Variants in ASAP2 observed in about 807,000 individuals in gnomAD.
The protein encoded by ASAP2 is ArfGAP with SH3 domain, ankyrin repeat and PH domain 2, also known as arf-GAP with SH3 domain, ANK repeat and PH domain-containing protein 2.
ASAP2 carries 45 observed loss-of-function variants against 131.4 expected under a neutral mutation model. The observed-to-expected ratio is 0.34, with a 90% CI of 0.27 to 0.44. The LOEUF is 0.44. Among genes scored for constraint, ASAP2 ranks in the 20% least tolerant of loss-of-function variants. The pLI, the probability that ASAP2 is intolerant of heterozygous loss-of-function variation, is 1.00. For synonymous variants in ASAP2, 510 were observed against 503.0 expected (o/e 1.01, Z -0.19); for missense variants, 1,011 against 1,297.0 (o/e 0.78, Z 3.39).
chr2:9,270,985 G>A (rs1175354171), intron 1 of ASAP2, among the ~76,000 whole-genome samples: 1 of 151,476 alleles, frequency 6.6e-6, no homozygotes, highest in African/African-American at 2.4e-5. Context: ...AGTAGAGACG[G>A]GGTTTCACCG....
At position 9,376,157 on chromosome 2, in the gene ASAP2, T is replaced by G. The variant is rs1053332133; in HGVS notation, c.1747-751T>G. 3.3e-5 allele frequency among the ~76,000 whole-genome samples: 5 copies of G among 152,188 alleles called. No homozygotes were observed. The South Asian group carries it at 1.0e-3, about 32-fold the overall frequency. ...TGCAGGCTCTGAGCTGGTCCCACTCTCTCCCCATCCCCAGAAAGAACTCAT... is the reference window on the plus strand; with the variant it reads ...TGCAGGCTCTGAGCTGGTCCCACTCGCTCCCCATCCCCAGAAAGAACTCAT... On this transcript the variant is annotated intron_variant, in intron 17 of 27. Transcript: ENST00000281419.
chr2:9,231,256 G>A (rs1663141994), intron 1 of ASAP2, among the ~76,000 whole-genome samples: 1 of 152,158 alleles, frequency 6.6e-6, no homozygotes, highest in African/African-American at 2.4e-5. Context: ...CAGGGAGCAG[G>A]TGACAGTTTC....
intron 18 of ASAP2, 50 bp from the exon 19 acceptor site, chr2:9,378,894 G>C: frequency 3.1e-6 from 4 of 1,308,322 alleles, no homozygotes; most frequent in Non-Finnish European, 4.0e-6. Flanking sequence ...GTCCCTGGTC[G>C]TCCAGCCTGT....
At chr2:9,352,212 A>AACACACACACAC (rs58275721) in intron 12 of ASAP2, among the ~76,000 whole-genome samples, 77 of 150,082 alleles carry the variant, frequency 5.1e-4, no homozygotes, top group African/African-American at 1.7e-3. Flanking sequence ...AACACACACA[A>AACACACACACAC]ACACACACAC....
chr2:9,301,814 C>T (rs897843250), intron 3 of ASAP2, among the ~76,000 whole-genome samples: 2 of 143,100 alleles, frequency 1.4e-5, no homozygotes, highest in African/African-American at 5.3e-5. Flanking sequence ...CGTGTGTATC[C>T]ATCATCTTTT....
At chr2:9,248,542 C>T (rs974877949) in intron 1 of ASAP2, among the ~76,000 whole-genome samples, 5 of 152,050 alleles carry the variant, frequency 3.3e-5, no homozygotes, top group African/African-American at 1.2e-4. Context: ...TGAGAGTCAG[C>T]GTTTTGGGTC....
At chr2:9,369,960 G>T (rs1284439002) in intron 16 of ASAP2, among the ~76,000 whole-genome samples, 2 of 152,120 alleles carry the variant, frequency 1.3e-5, no homozygotes, top group Non-Finnish European at 1.5e-5. Flanking sequence ...TCCTGCCTCA[G>T]CCTCCTGAGT....
intron 9 of ASAP2, chr2:9,336,183 T>C (rs1017909295): frequency 1.3e-5 from 2 of 151,418 alleles, no homozygotes; most frequent in Non-Finnish European, 3.0e-5. Context: ...TTGTAGACTT[T>C]ATTAAAGGCT....
At position 9,388,348 on chromosome 2, in the gene ASAP2, A is replaced by G; in HGVS notation, c.2185A>G (p.Asn729Asp). Reference sequence around the variant, plus strand: ...CATCAGCTTCTACCAGCTGGGCTCCAACCAGCTTCAGTCTAACGCTGTATC... The same window carrying G: ...CATCAGCTTCTACCAGCTGGGCTCCGACCAGCTTCAGTCTAACGCTGTATC... ...RPISFYQLGS[N>D]QLQSNAVSLA... Residue 729 changes from asparagine (N) to aspartate (D), a missense_variant, in exon 22 of 28, where the codon AAC becomes GAC. Asn to Asp is a conservative substitution (Grantham distance 23, BLOSUM62 1). Transcript: ENST00000281419. The G allele has an allele frequency of 6.2e-7, 1 of 1,614,172 alleles. No homozygotes were observed.
At chr2:9,363,771 A>G (rs888941649) in intron 15 of ASAP2, among the ~76,000 whole-genome samples, 1 of 152,172 alleles carries the variant, frequency 6.6e-6, no homozygotes, top group African/African-American at 2.4e-5. Flanking sequence ...ACAGGGTCTC[A>G]CTATATTGGC....
chr2:9,276,828 C>T (rs913644436), intron 1 of ASAP2, among the ~76,000 whole-genome samples: 3 of 152,210 alleles, frequency 2.0e-5, no homozygotes, highest in African/African-American at 7.2e-5. Context: ...GCATGAGCCA[C>T]TGCGCATGGT....
chr2:9,234,810 G>A (rs773613880), intron 1 of ASAP2, among the ~76,000 whole-genome samples: 1 of 152,176 alleles, frequency 6.6e-6, no homozygotes, highest in Non-Finnish European at 1.5e-5. Flanking sequence ...TTCCGGCCTT[G>A]CGAATGCTTC....
chr2:9,268,785 A>C lies in ASAP2; in HGVS notation c.127-10532A>C, dbSNP rs1666126782. On this transcript the variant is annotated intron_variant, in intron 1 of 27. Transcript: ENST00000281419. The surrounding 1 kb of genome is among the most constrained non-coding windows in gnomAD (Gnocchi z 4.1). ...TTCGTCCGTGGAACGAGGGGAGAGG[A>C]GATAGGACGGGAGAGCGGAGCATGC... is the stretch of plus-strand genomic sequence containing the variant. Among the ~76,000 whole-genome samples, 1 of 152,074 alleles carries C rather than the reference A, an allele frequency of 6.6e-6. No homozygotes were observed.
At chr2:9,229,543 G>A (rs552072554) in intron 1 of ASAP2, among the ~76,000 whole-genome samples, 1 of 152,338 alleles carries the variant, frequency 6.6e-6, no homozygotes, top group Non-Finnish European at 1.5e-5. Context: ...CATGTGTCTA[G>A]GGAGGAGCGG....
intron 21 of ASAP2, 59 bp downstream of exon 21, chr2:9,385,417 G>A (rs1675190967): frequency 3.0e-6 from 4 of 1,314,926 alleles, no homozygotes; most frequent in African/African-American, 1.5e-5. Flanking sequence ...GAACAGTGTG[G>A]GTCCTAATCT....
At chr2:9,284,846 G>A (rs989125969) in intron 2 of ASAP2, among the ~76,000 whole-genome samples, 21 of 152,212 alleles carry the variant, frequency 1.4e-4, no homozygotes, top group African/African-American at 3.9e-4. Flanking sequence ...TGTGTGTTAC[G>A]ACAGGCCCTG....
chr2:9,322,574 G>T (rs1225786868), intron 5 of ASAP2, among the ~76,000 whole-genome samples: 1 of 152,184 alleles, frequency 6.6e-6, no homozygotes, highest in Non-Finnish European at 1.5e-5. Flanking sequence ...ACCCTGAACT[G>T]CACACTCGAC....
At chr2:9,401,109 TC>T (rs1676626021) in intron 26 of ASAP2, among the ~76,000 whole-genome samples, 164 bp from the exon 27 acceptor site, 1 of 152,012 alleles carries the variant, frequency 6.6e-6, no homozygotes, top group African/African-American at 2.4e-5. Flanking sequence ...CCCTTTTCTC[TC>T]CCTGGCTCCT....
chr2:9,343,103 T>C (rs1431520647), intron 9 of ASAP2, among the ~76,000 whole-genome samples: 3 of 152,198 alleles, frequency 2.0e-5, no homozygotes, highest in African/African-American at 7.2e-5. Flanking sequence ...CCCTAGACTC[T>C]GAGGATGTTC....
Sources: allele counts gnomAD v4.1 joint callset (sites outside exome capture counted in the v4.1 genomes callset), GRCh38; gene constraint gnomAD v4.1.1; non-coding constraint Gnocchi (gnomAD v3.1); transcripts MANE v1.5; gene names NCBI Gene and HGNC (gene_info 2026-07-23, HGNC 2026-07-21).